ERC2: variants seen among roughly 807,000 people sequenced by gnomAD.
The protein encoded by ERC2 is ERC protein 2.
In ERC2, 42 loss-of-function variants were observed where a neutral mutation model predicts 114.8. The observed-to-expected ratio is 0.37, with a 90% CI of 0.29 to 0.47. The LOEUF (loss-of-function observed/expected upper bound fraction) is 0.47. ERC2 is among the 20% of genes least tolerant of loss of function. The pLI is 0.99. For synonymous variants in ERC2, 454 were observed against 425.5 expected (o/e 1.07, Z -0.82); for missense variants, 939 against 1,150.7 (o/e 0.82, Z 2.66).
intron 3 of ERC2, among the ~76,000 whole-genome samples, chr3:56,196,152 T>C (rs1193522180): frequency 6.6e-6 from 1 of 152,100 alleles, no homozygotes; most frequent in African/African-American, 2.4e-5. Flanking sequence ...CCACCTCCCC[T>C]TGGCAAGCTG....
At chr3:55,630,052 G>C (rs2059682536) in intron 17 of ERC2, among the ~76,000 whole-genome samples, 1 of 152,200 alleles carries the variant, frequency 6.6e-6, no homozygotes, top group African/African-American at 2.4e-5. Flanking sequence ...GAGAAGACGG[G>C]AGCCAGACTG....
intron 7 of ERC2, among the ~76,000 whole-genome samples, chr3:56,048,461 T>C (rs570061445): frequency 3.3e-5 from 5 of 152,322 alleles, no homozygotes; most frequent in African/African-American, 4.8e-5. Flanking sequence ...TTTTTTTTAA[T>C]ATCTAATGTG....
intron 7 of ERC2, among the ~76,000 whole-genome samples, chr3:56,053,689 A>T (rs568169119): frequency 2.2e-3 from 341 of 151,892 alleles, no homozygotes; most frequent in Non-Finnish European, 3.0e-3. Context: ...AGCTGCCCCG[A>T]TGACTCCACT....
intron 7 of ERC2, among the ~76,000 whole-genome samples, chr3:56,035,162 C>T (rs1297054760): frequency 6.6e-6 from 1 of 151,878 alleles, no homozygotes; most frequent in Admixed American, 6.6e-5. Context: ...CACAGAAATA[C>T]AAAGGATTAT....
chr3:55,925,430 G>C (rs1274971541), intron 13 of ERC2, among the ~76,000 whole-genome samples: 1 of 152,172 alleles, frequency 6.6e-6, no homozygotes, highest in Admixed American at 6.5e-5. Context: ...GTATGAAAGG[G>C]ATGAGGAGGA....
intron 5 of ERC2, among the ~76,000 whole-genome samples, chr3:56,146,830 T>C (rs767560349): frequency 6.6e-6 from 1 of 152,176 alleles, no homozygotes; most frequent in African/African-American, 2.4e-5. Flanking sequence ...TCCACCTCAC[T>C]CCACTACTTT....
chr3:55,750,278 T>C (rs1343011844), intron 14 of ERC2, among the ~76,000 whole-genome samples: 2 of 151,670 alleles, frequency 1.3e-5, no homozygotes, highest in African/African-American at 4.8e-5. Flanking sequence ...TTGATTACTA[T>C]ATGTATAAGC....
intron 4 of ERC2, among the ~76,000 whole-genome samples, chr3:56,156,116 A>G (rs533889517): frequency 2.6e-5 from 4 of 152,330 alleles, no homozygotes; most frequent in Admixed American, 6.5e-5. Context: ...ACCATCACTT[A>G]GTGGTGAAAG....
At chr3:55,709,126 T>G (rs955352251) in intron 15 of ERC2, among the ~76,000 whole-genome samples, 4 of 152,156 alleles carry the variant, frequency 2.6e-5, no homozygotes, top group African/African-American at 9.7e-5. Context: ...GGGTATCGCC[T>G]AACAGAATTG....
At chr3:56,020,788 G>C (rs929553134) in intron 7 of ERC2, among the ~76,000 whole-genome samples, 2 of 152,174 alleles carry the variant, frequency 1.3e-5, no homozygotes, top group Non-Finnish European at 2.9e-5. Context: ...CATCAGCCTT[G>C]GGGCAGTAGT....
chr3:56,348,976 GAAA>G (rs2058445547), intron 2 of ERC2, among the ~76,000 whole-genome samples: 2 of 140,902 alleles, frequency 1.4e-5, no homozygotes, highest in Admixed American at 1.4e-4. Flanking sequence ...AAGAAGGAAA[GAAA>G]GAAGGAAAGA....
chr3:55,751,918 A>T (rs2066729095), intron 14 of ERC2, among the ~76,000 whole-genome samples: 1 of 152,236 alleles, frequency 6.6e-6, no homozygotes, highest in Non-Finnish European at 1.5e-5. Flanking sequence ...CTTAGCAAAA[A>T]GAGGAAGTGT....
intron 2 of ERC2, among the ~76,000 whole-genome samples, chr3:56,322,257 C>A (rs1675963505): frequency 6.6e-6 from 1 of 152,198 alleles, no homozygotes; most frequent in South Asian, 2.1e-4. Context: ...ACCTGCAAAT[C>A]CACAAACAGT....
intron 3 of ERC2, among the ~76,000 whole-genome samples, chr3:56,224,697 A>T (rs12493980): frequency 0.93 from 141,007 of 152,210 alleles, 65,614 homozygotes; most frequent in East Asian, 1. Flanking sequence ...AATATGCAAG[A>T]ATACCCACAG....
At chr3:55,843,375 C>T (rs1030938940) in intron 14 of ERC2, among the ~76,000 whole-genome samples, 3 of 152,152 alleles carry the variant, frequency 2.0e-5, no homozygotes, top group East Asian at 1.9e-4. Context: ...CCTACACAGA[C>T]TTTGATGTAG....
intron 17 of ERC2, among the ~76,000 whole-genome samples, chr3:55,642,789 G>A (rs535607370): frequency 6.6e-6 from 1 of 152,218 alleles, no homozygotes; most frequent in East Asian, 1.9e-4. Context: ...AATTCACATT[G>A]TATATGGATT....
Position 55,567,327 on chromosome 3 carries a change from A to C in ERC2, c.*40-56051T>G, listed in dbSNP as rs540189789. On this transcript the variant is annotated intron_variant, in intron 17 of 17. Transcript: ENST00000288221. ...ACCTGCGCAAAGGCCCTGAGGCCAG[A>C]ATGTTGGGAAAGAGACAGGAGGCCA... Among the ~76,000 whole-genome samples the C allele has an allele frequency of 2.0e-5, 3 of 152,324 alleles. No individual in the cohort carries two copies. In the South Asian group the frequency reaches 6.2e-4, roughly 32 times the overall value.
chr3:56,214,968 G>C (rs958875184), intron 3 of ERC2, among the ~76,000 whole-genome samples: 1 of 152,164 alleles, frequency 6.6e-6, no homozygotes, highest in Non-Finnish European at 1.5e-5. Flanking sequence ...CACCATGCCT[G>C]CCCTAAAAGA....
rs776187868 is a variant in ERC2 at position 55,699,427 on chromosome 3, C to A, written c.2798G>T (p.Arg933Leu). 1 of 1,613,566 alleles carries A rather than the reference C, an allele frequency of 6.2e-7. No individual in the cohort carries two copies. The highest frequency in any genetic ancestry group is 8.5e-7 in the Non-Finnish European group (1 of 1,179,766). Residue 933 changes from arginine to leucine, a missense_variant, in exon 16 of 18, where the codon CGA becomes CTA. Coordinates refer to ENST00000288221, the MANE Select transcript of ERC2 (RefSeq NM_015576.3). ...YHHHHHHHHH[R>L]SPGRSQHSNH... is the part of the protein sequence containing the mutation. ...GGAATGTTGCGACCTCCCAGGAGATCGATGGTGGTGGTGATGGTGGTGGTG... is the reference window on the plus strand; with the variant it reads ...GGAATGTTGCGACCTCCCAGGAGATAGATGGTGGTGGTGATGGTGGTGGTG...
Sources: allele counts gnomAD v4.1 joint callset (sites outside exome capture counted in the v4.1 genomes callset), GRCh38; gene constraint gnomAD v4.1.1; transcripts MANE v1.5; gene names NCBI Gene and HGNC (gene_info 2026-07-23, HGNC 2026-07-21).